ESRRG: variants seen among roughly 807,000 people sequenced by gnomAD.
ESRRG encodes the protein estrogen related receptor gamma.
ESRRG carries 13 observed loss-of-function variants against 44.0 expected under a neutral mutation model. The observed-to-expected ratio is 0.30, with a 90% CI of 0.19 to 0.47. ESRRG has a LOEUF of 0.47. Among genes scored for constraint, ESRRG ranks in the 20% least tolerant of loss-of-function variants. ESRRG has a pLI of 1.00. For synonymous variants in ESRRG, 215 were observed against 214.6 expected (o/e 1.00, Z -0.02); for missense variants, 395 against 580.6 (o/e 0.68, Z 3.29).
chr1:216,877,487 T>G (rs1424370119), intron 2 of ESRRG, among the ~76,000 whole-genome samples: 2 of 151,632 alleles, frequency 1.3e-5, no homozygotes, highest in Non-Finnish European at 2.9e-5. Flanking sequence ...CAGTGCAACC[T>G]CTGCCTCCCA....
At chr1:216,622,770 T>C (rs906755420) in intron 3 of ESRRG, among the ~76,000 whole-genome samples, 4 of 152,304 alleles carry the variant, frequency 2.6e-5, no homozygotes, top group Admixed American at 2.6e-4. Flanking sequence ...TCAACCACTC[T>C]GGTTACACAT....
intron 2 of ESRRG, among the ~76,000 whole-genome samples, chr1:216,829,203 C>T (rs536748926): frequency 6.6e-6 from 1 of 152,222 alleles, no homozygotes; most frequent in Admixed American, 6.5e-5. Flanking sequence ...ATAACTGTTA[C>T]CTGAAGAGCA....
At chr1:216,666,207 C>A (rs1238768803) in intron 2 of ESRRG, among the ~76,000 whole-genome samples, 1 of 152,078 alleles carries the variant, frequency 6.6e-6, no homozygotes, top group African/African-American at 2.4e-5. Flanking sequence ...CAAAAGTGAC[C>A]CACATCAATA....
At chr1:217,054,967 T>C (rs1001815646) in intron 1 of ESRRG, among the ~76,000 whole-genome samples, 9 of 152,268 alleles carry the variant, frequency 5.9e-5, no homozygotes, top group Middle Eastern at 3.4e-3. Context: ...CAAGTAAGCA[T>C]GATTTAGATG....
intron 2 of ESRRG, among the ~76,000 whole-genome samples, chr1:216,939,185 G>C (rs2064697826): frequency 6.6e-6 from 1 of 151,800 alleles, no homozygotes; most frequent in African/African-American, 2.4e-5. Context: ...ACCATCGAAA[G>C]ACAAGAATTA....
At chr1:216,909,613 G>A (rs2060082835) in intron 2 of ESRRG, among the ~76,000 whole-genome samples, 1 of 151,986 alleles carries the variant, frequency 6.6e-6, no homozygotes, top group African/African-American at 2.4e-5. Flanking sequence ...TCAAACTCCT[G>A]GCCTCAAGTG....
intron 1 of ESRRG, among the ~76,000 whole-genome samples, chr1:217,116,468 TACA>T (rs1316532259): frequency 1.3e-5 from 2 of 152,202 alleles, no homozygotes; most frequent in Admixed American, 6.5e-5. Context: ...CTACTTGAAA[TACA>T]ACATGATAAT....
intron 1 of ESRRG, among the ~76,000 whole-genome samples, chr1:217,115,148 C>T (rs762959744): frequency 2.2e-4 from 33 of 152,176 alleles, no homozygotes; most frequent in Non-Finnish European, 4.4e-4. Context: ...GGCATTTATT[C>T]TTACCTGTAT....
At chr1:216,803,226 G>A (rs1195239350) in intron 2 of ESRRG, among the ~76,000 whole-genome samples, 1 of 152,026 alleles carries the variant, frequency 6.6e-6, no homozygotes, top group African/African-American at 2.4e-5. Context: ...ACAGTTCTAA[G>A]GATAAATTAT....
At chr1:217,007,259 T>C (rs1468482531) in intron 1 of ESRRG, among the ~76,000 whole-genome samples, 1 of 152,180 alleles carries the variant, frequency 6.6e-6, no homozygotes, top group African/African-American at 2.4e-5. Context: ...CTGAAAATTA[T>C]GTGGGTCAAG....
intron 2 of ESRRG, among the ~76,000 whole-genome samples, chr1:216,792,024 C>A (rs2094335284): frequency 6.6e-6 from 1 of 152,052 alleles, no homozygotes; most frequent in African/African-American, 2.4e-5. Flanking sequence ...TATTTTAAAT[C>A]TCTAAGAAGA....
At chr1:217,031,584 T>G (rs1197188750) in intron 1 of ESRRG, among the ~76,000 whole-genome samples, 1 of 152,242 alleles carries the variant, frequency 6.6e-6, no homozygotes, top group Non-Finnish European at 1.5e-5. Flanking sequence ...TGTAGCATAT[T>G]TTGGGGGGAC....
chr1:216,763,750 A>T (rs1010766048), intron 2 of ESRRG, among the ~76,000 whole-genome samples: 2 of 152,130 alleles, frequency 1.3e-5, no homozygotes, highest in Non-Finnish European at 2.9e-5. Context: ...ATCCCAACAG[A>T]TGTAGAGGTG....
At chr1:216,596,205 G>C (rs2058412692) in intron 3 of ESRRG, among the ~76,000 whole-genome samples, 1 of 152,132 alleles carries the variant, frequency 6.6e-6, no homozygotes, top group Admixed American at 6.5e-5. Context: ...TTCCCTTACT[G>C]CCCAAAGTAA....
chr1:216,676,636 G>T (rs1006774063), intron 2 of ESRRG, among the ~76,000 whole-genome samples: 1 of 152,116 alleles, frequency 6.6e-6, no homozygotes, highest in Admixed American at 6.5e-5. Context: ...CCAGGAATCT[G>T]CATTTTAACA....
chr1:217,067,324 G>A (rs1363925159), intron 1 of ESRRG, among the ~76,000 whole-genome samples: 3 of 152,166 alleles, frequency 2.0e-5, no homozygotes, highest in Non-Finnish European at 4.4e-5. Context: ...CCAATGGAGG[G>A]AAATACAGAG....
intron 2 of ESRRG, among the ~76,000 whole-genome samples, chr1:216,658,869 AGAAGAGAAG>A (rs2071410273): frequency 1.3e-5 from 1 of 76,634 alleles, no homozygotes; most frequent in African/African-American, 4.0e-5. Context: ...AGAAGAGAAG[AGAAGAGAAG>A]AGAAGAGAAG....
intron 5 of ESRRG, among the ~76,000 whole-genome samples, chr1:216,524,840 G>T (rs1233129809): frequency 6.6e-6 from 1 of 152,136 alleles, no homozygotes; most frequent in African/African-American, 2.4e-5. Flanking sequence ...CCATAAAACT[G>T]AGCAAATGAT....
intron 1 of ESRRG, among the ~76,000 whole-genome samples, chr1:217,011,990 A>G (rs954731422): frequency 2.0e-5 from 3 of 152,156 alleles, no homozygotes; most frequent in Admixed American, 2.0e-4. Flanking sequence ...CATTGCAATG[A>G]GGGACACATT....
Sources: gnomAD v4.1 joint callset for allele counts (sites outside exome capture counted in the v4.1 genomes callset) on GRCh38, gnomAD v4.1.1 for gene constraint, MANE v1.5 for transcripts, NCBI Gene and HGNC (gene_info 2026-07-23, HGNC 2026-07-21) for gene names.